CCDC90B: variants seen among roughly 807,000 people sequenced by gnomAD.
CCDC90B encodes coiled-coil domain containing 90B, also known as coiled-coil domain-containing protein 90B, mitochondrial.
A neutral mutation model predicts 37.0 loss-of-function variants in CCDC90B; 24 were observed. The observed-to-expected ratio is 0.65, with a 90% CI of 0.47 to 0.91. CCDC90B has a LOEUF of 0.91. CCDC90B is among the 40% of genes least tolerant of loss of function. The pLI is 0.00. For synonymous variants in CCDC90B, 113 were observed against 101.1 expected, an observed-to-expected ratio of 1.12 and a Z score of -0.71; for missense variants, 319 against 299.0, an observed-to-expected ratio of 1.07 and a Z score of -0.49.
chr11:83,283,651 C>G (rs1361038320), intron 1 of CCDC90B, among the ~76,000 whole-genome samples: 1 of 152,180 alleles, frequency 6.6e-6, no homozygotes, highest in Non-Finnish European at 1.5e-5. Flanking sequence ...CAGTTCAGTG[C>G]ATAAGCACTC....
chr11:83,269,363 C>G (rs140910707), intron 7 of CCDC90B, among the ~76,000 whole-genome samples: 71 of 151,724 alleles, frequency 4.7e-4, no homozygotes, highest in South Asian at 3.4e-3. Context: ...AATCAATGAA[C>G]CTAGGAGCTG....
intron 7 of CCDC90B, among the ~76,000 whole-genome samples, 198 bp from the exon 8 acceptor site, chr11:83,266,177 C>T (rs986430076): frequency 6.6e-6 from 1 of 152,184 alleles, no homozygotes; most frequent in Non-Finnish European, 1.5e-5. Flanking sequence ...CTCTGCAGCT[C>T]CCAGCGTGAT....
intron 2 of CCDC90B, among the ~76,000 whole-genome samples, chr11:83,279,860 G>A (rs372781655): frequency 4.0e-5 from 6 of 151,536 alleles, no homozygotes; most frequent in East Asian, 1.9e-4. Context: ...CTTCCACACG[G>A]ACTTTAGTTT....
rs1865658643 is a variant in CCDC90B, at chr11:83,285,902, C to G, written c.71G>C (p.Arg24Pro). Residue 24 changes from arginine (R) to proline (P), a missense_variant, in exon 1 of 9, where the codon CGC becomes CCC. By Grantham distance (103) the Arg-to-Pro change is moderately radical (BLOSUM62 -2). Coordinates refer to ENST00000529689, the MANE Select transcript of CCDC90B (RefSeq NM_021825.5). ...GRGDRWVSRP[R>P]GHFSPALRRE... ...CCGCAGGGCCGGCGAGAAATGCCCG[C>G]GGGGCCTTGAAACCCAACGATCTCC... The G allele has an allele frequency of 6.2e-7, 1 of 1,613,248 alleles. No individual in the cohort carries two copies. Among genetic ancestry groups the G allele is most frequent in the Non-Finnish European group, 8.5e-7 (1 of 1,179,868 alleles).
chr11:83,264,041 A>G (rs1211100362), intron 8 of CCDC90B, among the ~76,000 whole-genome samples: 2 of 152,206 alleles, frequency 1.3e-5, no homozygotes, highest in African/African-American at 4.8e-5. Context: ...CCCAAATTTT[A>G]AATGTACATA....
intron 8 of CCDC90B, among the ~76,000 whole-genome samples, chr11:83,262,656 T>G (rs1863993776): frequency 6.6e-6 from 1 of 152,286 alleles, no homozygotes; most frequent in East Asian, 1.9e-4. Context: ...GAGAGATGAA[T>G]GGAAAACTTT....
chr11:83,282,309 T>G (rs1426736741), intron 1 of CCDC90B, among the ~76,000 whole-genome samples: 3 of 152,206 alleles, frequency 2.0e-5, no homozygotes, highest in African/African-American at 7.2e-5. Flanking sequence ...AAAGTACAGT[T>G]TCTACTGAAT....
In CCDC90B at chr11:83,265,891, T is replaced by C. The variant is rs185017272; in HGVS notation, c.683A>G (p.Lys228Arg). ...TGCAAGATAACGAATTGTCTCAAGT[T>C]TGTTAGATTCCATCAGTGTTTTTAA... Reference protein sequence around the residue: ...ASLKTLMESNKLETIRYLAAS... With the variant: ...ASLKTLMESNRLETIRYLAAS... The change falls in exon 8 of 9, where the codon AAA becomes AGA. Residue 228 changes from lysine to arginine, a missense_variant. Lys to Arg is a conservative substitution (Grantham distance 26). Coordinates refer to ENST00000529689, the MANE Select transcript of CCDC90B (RefSeq NM_021825.5). 66 of 1,607,610 alleles carry C rather than the reference T, an allele frequency of 4.1e-5. 1 individual carries two copies. The Admixed American group carries it at 1.1e-3, about 27-fold the overall frequency.
At chr11:83,274,545 G>T in intron 4 of CCDC90B, 94 bp downstream of exon 4, 1 of 665,144 alleles carries the variant, frequency 1.5e-6, no homozygotes, top group Non-Finnish European at 2.5e-6. Context: ...TAACCACATG[G>T]AATTATTACT....
chr11:83,264,716 C>T (rs572331255), intron 8 of CCDC90B, among the ~76,000 whole-genome samples: 1 of 151,868 alleles, frequency 6.6e-6, no homozygotes, highest in Admixed American at 6.6e-5. Flanking sequence ...CCCAAATGGC[C>T]AACAATGATA....
intron 3 of CCDC90B, among the ~76,000 whole-genome samples, chr11:83,276,237 A>AC (rs1865018497): frequency 1.3e-5 from 2 of 152,202 alleles, no homozygotes; most frequent in Non-Finnish European, 2.9e-5. Flanking sequence ...AAATATCACT[A>AC]TAAAGGAATT....
chr11:83,262,294 A>T (rs528552330), intron 8 of CCDC90B, among the ~76,000 whole-genome samples: 1 of 152,302 alleles, frequency 6.6e-6, no homozygotes, highest in South Asian at 2.1e-4. Context: ...TGATAAATGA[A>T]ATCTTTCTTA....
intron 1 of CCDC90B, chr11:83,285,585 C>G (rs557826586): frequency 1.6e-6 from 2 of 1,284,554 alleles, no homozygotes; most frequent in Middle Eastern, 3.0e-4. Flanking sequence ...TTACTAGCCT[C>G]TTGTCACCAA....
chr11:83,285,858 G>T lies in CCDC90B; in HGVS notation c.100+15C>A. The T allele has an allele frequency of 1.2e-6, 2 of 1,606,802 alleles. No homozygotes were observed. Among genetic ancestry groups the T allele is most frequent in the Non-Finnish European group, 1.7e-6 (2 of 1,177,990 alleles). ...GAGAGCACTCAGGCATCTATGACAC[G>T]ACGCCTTGCCTCACCTCTCCGCAGG... On this transcript the variant is annotated intron_variant, in intron 1 of 8. Transcript: ENST00000529689.
chr11:83,281,472 T>G (rs1865379269), intron 1 of CCDC90B, among the ~76,000 whole-genome samples: 1 of 152,202 alleles, frequency 6.6e-6, no homozygotes, highest in South Asian at 2.1e-4. Flanking sequence ...GATAAAAGAT[T>G]CATTAAAATA....
intron 7 of CCDC90B, among the ~76,000 whole-genome samples, chr11:83,271,259 C>T (rs1288269269): frequency 2.6e-5 from 4 of 152,072 alleles, no homozygotes; most frequent in Non-Finnish European, 5.9e-5. Flanking sequence ...GCAACAAAAG[C>T]CAAAATAGAC....
intron 4 of CCDC90B, 29 bp from the exon 5 acceptor site, chr11:83,274,021 A>C (rs1228796377): frequency 1.3e-6 from 2 of 1,495,558 alleles, no homozygotes; most frequent in African/African-American, 2.8e-5. Flanking sequence ...ACATGCAATT[A>C]GCATTAAACC....
At chr11:83,271,915 C>T (rs1417642190) in intron 7 of CCDC90B, among the ~76,000 whole-genome samples, 3 of 152,172 alleles carry the variant, frequency 2.0e-5, no homozygotes, top group Non-Finnish European at 4.4e-5. Context: ...CACATATACA[C>T]CACGGAATAC....
At position 83,286,184 on chromosome 11, in the gene CCDC90B, G is replaced by T. The variant is rs756179262; in HGVS notation, c.-212C>A. 4.6e-6 allele frequency: 7 copies of T among 1,534,408 alleles called. No individual in the cohort carries two copies. Among genetic ancestry groups the T allele is most frequent in the Non-Finnish European group, 6.1e-6 (7 of 1,145,606 alleles). On this transcript the variant is annotated 5_prime_UTR_variant, in exon 1 of 9. Transcript: ENST00000529689. ...CAGTTCGCGAGCATGGCTCAGCGCTGCCCCGCTTCTCCCAGCGCCCCTTCC... is the reference window on the plus strand; with the variant it reads ...CAGTTCGCGAGCATGGCTCAGCGCTTCCCCGCTTCTCCCAGCGCCCCTTCC...
Sources: allele counts gnomAD v4.1 joint callset (sites outside exome capture counted in the v4.1 genomes callset), GRCh38; gene constraint gnomAD v4.1.1; transcripts MANE v1.5; gene names NCBI Gene and HGNC (gene_info 2026-07-23, HGNC 2026-07-21).